Variants in SPON1 observed in about 807,000 individuals in gnomAD.
SPON1 encodes the protein spondin-1.
In SPON1, 52 loss-of-function variants were observed where a neutral mutation model predicts 111.7. The ratio of observed to expected loss-of-function variants is 0.47; its 90% CI spans 0.37 to 0.59. SPON1 has a LOEUF of 0.59. Among genes scored for constraint, SPON1 ranks in the 20% least tolerant of loss-of-function variants. The probability of loss-of-function intolerance (pLI) is 0.00; values close to 1 mark genes in which losing one functional copy is unlikely to be tolerated. For synonymous variants in SPON1, 410 were observed against 395.8 expected, an observed-to-expected ratio of 1.04 and a Z score of -0.43; for missense variants, 957 against 1,068.5, an observed-to-expected ratio of 0.90 and a Z score of 1.46.
intron 2 of SPON1, among the ~76,000 whole-genome samples, chr11:13,984,562 G>A (rs148946560): frequency 1.2e-3 from 182 of 152,138 alleles, no homozygotes; most frequent in African/African-American, 4.1e-3. Flanking sequence ...CCACTCCCAC[G>A]ACAACCACAA....
chr11:14,187,891 C>T (rs186872841), intron 6 of SPON1, among the ~76,000 whole-genome samples: 1 of 152,316 alleles, frequency 6.6e-6, no homozygotes, highest in Admixed American at 6.5e-5. Context: ...AAGCAATTCT[C>T]CTGCCTCAGC....
At chr11:13,985,790 G>A (rs561945453) in intron 2 of SPON1, among the ~76,000 whole-genome samples, 15 of 152,050 alleles carry the variant, frequency 9.9e-5, no homozygotes, top group Admixed American at 2.6e-4. Context: ...GCATCTCAAG[G>A]GTCCAAACAC....
intron 6 of SPON1, among the ~76,000 whole-genome samples, chr11:14,226,482 A>G (rs1252603386): frequency 6.6e-6 from 1 of 152,216 alleles, no homozygotes; most frequent in Non-Finnish European, 1.5e-5. Flanking sequence ...GCTGTGGTTC[A>G]CTGTTGCTGT....
intron 6 of SPON1, among the ~76,000 whole-genome samples, chr11:14,146,211 A>G (rs1385242853): frequency 6.8e-6 from 1 of 146,148 alleles, no homozygotes; most frequent in Non-Finnish European, 1.5e-5. Flanking sequence ...GTGCAGTGGC[A>G]CCGTGTTGGC....
chr11:14,081,321 G>A (rs1321639780), intron 5 of SPON1, among the ~76,000 whole-genome samples: 1 of 152,162 alleles, frequency 6.6e-6, no homozygotes, highest in African/African-American at 2.4e-5. Context: ...AGCGGCTAGT[G>A]GAGAGACAGA....
intron 6 of SPON1, among the ~76,000 whole-genome samples, chr11:14,162,513 G>GT (rs1847978088): frequency 6.6e-6 from 1 of 152,140 alleles, no homozygotes; most frequent in Non-Finnish European, 1.5e-5. Flanking sequence ...AAATGAATCT[G>GT]TACTTAAAGA....
At chr11:14,118,477 G>A (rs1176927439) in intron 5 of SPON1, among the ~76,000 whole-genome samples, 6 of 152,316 alleles carry the variant, frequency 3.9e-5, no homozygotes, top group African/African-American at 1.4e-4. Context: ...AGGGTGCCCT[G>A]AAATTATGTT....
At chr11:14,242,952 G>A (rs1159029588) in intron 6 of SPON1, among the ~76,000 whole-genome samples, 3 of 152,228 alleles carry the variant, frequency 2.0e-5, no homozygotes, top group Admixed American at 1.3e-4. Context: ...AGCTGGCCTG[G>A]AGCAGGCCCC....
intron 2 of SPON1, among the ~76,000 whole-genome samples, chr11:14,022,741 A>G (rs144361679): frequency 6.6e-6 from 1 of 152,332 alleles, no homozygotes; most frequent in African/African-American, 2.4e-5. Context: ...AAAATCAAGC[A>G]ATGAATTACT....
chr11:14,254,571 C>A lies in SPON1; in HGVS notation c.934C>A (p.His312Asn), dbSNP rs1426916507. 1 of 1,612,998 alleles carries A rather than the reference C, an allele frequency of 6.2e-7. No individual in the cohort carries two copies. The highest frequency in any genetic ancestry group is 8.5e-7 in the Non-Finnish European group (1 of 1,179,480). Residue 312 changes from histidine (H) to asparagine (N), a missense_variant, in exon 8 of 16, where the codon CAT becomes AAT. Physicochemically the swap from His to Asn is moderately conservative, Grantham distance 68 (BLOSUM62 1). This residue lies in a region of SPON1 where 122 missense variants were observed against 143.2 expected (regional missense o/e 0.85). Transcript: ENST00000576479. ...SAEFSVDRTR[H>N]LMSFLTMMGP... ...TGAATTTTCCGTGGACAGAACGCGC[C>A]ATTTAATGTCCTTCCTGACCATGAT...
intron 2 of SPON1, among the ~76,000 whole-genome samples, chr11:13,992,180 G>A (rs782551473): frequency 2.6e-5 from 4 of 152,236 alleles, no homozygotes; most frequent in Non-Finnish European, 5.9e-5. Context: ...TTCCCCAGGT[G>A]CTCTGTCCCA....
intron 6 of SPON1, among the ~76,000 whole-genome samples, chr11:14,173,229 T>G (rs1848129366): frequency 6.6e-6 from 1 of 152,122 alleles, no homozygotes. Flanking sequence ...TCTTCTCACT[T>G]CATTTCATTC....
chr11:14,080,054 A>G, intron 5 of SPON1, 33 bp downstream of exon 5: 1 of 1,613,380 alleles, frequency 6.2e-7, no homozygotes, highest in Non-Finnish European at 8.5e-7. Context: ...GGTTTGGGGA[A>G]AAGCACATTG....
At chr11:14,107,801 G>C (rs1436081549) in intron 5 of SPON1, among the ~76,000 whole-genome samples, 1 of 152,100 alleles carries the variant, frequency 6.6e-6, no homozygotes, top group Non-Finnish European at 1.5e-5. Context: ...GCACCTTGCA[G>C]CTCCCCAGAA....
intron 6 of SPON1, among the ~76,000 whole-genome samples, chr11:14,241,154 C>T (rs374389308): frequency 3.3e-5 from 5 of 151,936 alleles, no homozygotes; most frequent in East Asian, 3.9e-4. Flanking sequence ...ATTCTGGAAA[C>T]GGAGAAGGAG....
At chr11:13,989,446 T>C (rs1210475870) in intron 2 of SPON1, among the ~76,000 whole-genome samples, 1 of 152,214 alleles carries the variant, frequency 6.6e-6, no homozygotes, top group East Asian at 1.9e-4. Flanking sequence ...CTTTTCTTTA[T>C]TAGTCTGGCT....
chr11:14,241,702 CAGAT>C (rs1381316292), intron 6 of SPON1, among the ~76,000 whole-genome samples: 1 of 152,004 alleles, frequency 6.6e-6, no homozygotes, highest in Admixed American at 6.6e-5. Flanking sequence ...ACTCAGGAGA[CAGAT>C]AGGTTGTGTT....
chr11:14,052,336 C>T (rs1283316157), intron 3 of SPON1, among the ~76,000 whole-genome samples: 1 of 152,148 alleles, frequency 6.6e-6, no homozygotes, highest in Non-Finnish European at 1.5e-5. Context: ...AACAGAAAAC[C>T]ACATGCAATG....
At chr11:14,235,591 G>A (rs1344857102) in intron 6 of SPON1, among the ~76,000 whole-genome samples, 1 of 148,434 alleles carries the variant, frequency 6.7e-6, no homozygotes, top group Non-Finnish European at 1.5e-5. Flanking sequence ...AGGGTAGAAG[G>A]ATGGCTTGAG....
Sources: gnomAD v4.1 joint callset for allele counts (sites outside exome capture counted in the v4.1 genomes callset) on GRCh38, gnomAD v4.1.1 for gene constraint, gnomAD v4.1.1 regional missense constraint, MANE v1.5 for transcripts, NCBI Gene and HGNC (gene_info 2026-07-23, HGNC 2026-07-21) for gene names.